PGR: variants seen among roughly 807,000 people sequenced by gnomAD.
PGR encodes progesterone receptor, also known as nuclear receptor subfamily 3 group C member 3.
A neutral mutation model predicts 76.1 loss-of-function variants in PGR; 25 were observed. The ratio of observed to expected loss-of-function variants is 0.33; its 90% confidence interval spans 0.24 to 0.46. The LOEUF (loss-of-function observed/expected upper bound fraction) is 0.46. Ranked by LOEUF, PGR falls within the 20% of genes least tolerant of loss-of-function variation. The pLI is 1.00. For synonymous variants in PGR, 579 were observed against 535.0 expected, an observed-to-expected ratio of 1.08 and a Z score of -1.14; for missense variants, 1,172 against 1,225.3, an observed-to-expected ratio of 0.96 and a Z score of 0.65.
chr11:101,055,445 G>T (rs1814190519), intron 4 of PGR, among the ~76,000 whole-genome samples: 1 of 129,858 alleles, frequency 7.7e-6, no homozygotes, highest in South Asian at 2.6e-4. Context: ...AAAAAAAAAG[G>T]CTCATAGAAA....
intron 2 of PGR, among the ~76,000 whole-genome samples, chr11:101,125,646 T>G (rs1345500028): frequency 2.0e-5 from 3 of 152,180 alleles, no homozygotes; most frequent in East Asian, 1.9e-4. Context: ...AATCAAAATT[T>G]TAAAGTACTG....
intron 3 of PGR, among the ~76,000 whole-genome samples, chr11:101,071,977 A>G (rs1424698055): frequency 1.3e-5 from 2 of 152,164 alleles, no homozygotes; most frequent in Middle Eastern, 3.2e-3. Context: ...AATACAGAGA[A>G]CACCACAAAG....
chr11:101,075,982 G>T (rs1435331499), intron 3 of PGR, among the ~76,000 whole-genome samples: 3 of 152,098 alleles, frequency 2.0e-5, no homozygotes, highest in South Asian at 2.1e-4. Flanking sequence ...GTACCCAAAG[G>T]ATTATAAATC....
At chr11:101,117,806 C>T (rs1414941202) in intron 2 of PGR, among the ~76,000 whole-genome samples, 1 of 152,164 alleles carries the variant, frequency 6.6e-6, no homozygotes, top group Non-Finnish European at 1.5e-5. Flanking sequence ...AGACACATCT[C>T]TGCCAGTACT....
chr11:101,053,912 A>G (rs1442470853), intron 4 of PGR, among the ~76,000 whole-genome samples: 3 of 152,116 alleles, frequency 2.0e-5, no homozygotes, highest in Non-Finnish European at 2.9e-5. Flanking sequence ...CCCACGGAGA[A>G]AGCTGGGTAA....
chr11:101,115,051 G>T (rs192246853), intron 2 of PGR, among the ~76,000 whole-genome samples: 24 of 152,128 alleles, frequency 1.6e-4, no homozygotes, highest in African/African-American at 5.8e-4. Context: ...GTGGGAATAA[G>T]GGGTCACTGA....
intron 3 of PGR, among the ~76,000 whole-genome samples, chr11:101,081,278 A>G (rs1861297619): frequency 6.6e-6 from 1 of 151,964 alleles, no homozygotes; most frequent in African/African-American, 2.4e-5. Flanking sequence ...AAATACAAAA[A>G]ATTAGCCAGA....
At chr11:101,065,966 C>A (rs1173450967) in intron 3 of PGR, among the ~76,000 whole-genome samples, 1 of 152,136 alleles carries the variant, frequency 6.6e-6, no homozygotes, top group Non-Finnish European at 1.5e-5. Flanking sequence ...AGTATGGCTA[C>A]CCCTGTACTC....
rs1197426679 is a variant in PGR, at chr11:101,091,780, T to C, written c.1886A>G (p.Gln629Arg). ...ATTACCTCCAAGGACCATGCCAGCC[T>C]GACAGCACTTTCTAAGGCGACATGC... ...CPACRLRKCC[Q>R]AGMVLGGRKF... Residue 629 changes from glutamine to arginine, a missense_variant, in exon 3 of 8, where the codon CAG (glutamine) becomes CGG (arginine). By Grantham distance (43) the Gln-to-Arg change is conservative (BLOSUM62 1). Around this residue, in one of 4 missense-constraint regions of PGR, gnomAD observed 73 missense variants for 60.7 expected, o/e 1.20. Coordinates refer to ENST00000325455, the MANE Select transcript of PGR (RefSeq NM_000926.4). 6.3e-7 allele frequency: 1 copy of C among 1,581,946 alleles called. No homozygotes were observed. The highest frequency in any genetic ancestry group is 1.7e-5 in the Admixed American group (1 of 59,974).
At position 101,045,031 on chromosome 11, in the gene PGR, ATC is replaced by A. The variant is rs150451759; in HGVS notation, c.2489-2931_2489-2930del. Among the ~76,000 whole-genome samples, 518 of 152,114 alleles carry A rather than the reference ATC, an allele frequency of 3.4e-3. 5 individuals are homozygous for A. The highest frequency in any genetic ancestry group is 0.012 in the African/African-American group (494 of 41,508). ...CTTGGCCTAATTCCAATATTGTTGT[ATC>A]TCAGGGAACAGGGAGGAAAATTACT... On this transcript the variant is annotated intron_variant, in intron 6 of 7. Coordinates refer to ENST00000325455, the MANE Select transcript of PGR (RefSeq NM_000926.4).
At chr11:101,097,842 T>C (rs1412294415) in intron 2 of PGR, among the ~76,000 whole-genome samples, 1 of 150,466 alleles carries the variant, frequency 6.6e-6, no homozygotes, top group African/African-American at 2.4e-5. Context: ...GGTGGAGCCA[T>C]CTCAGCTCAC....
chr11:101,059,219 A>G (rs1331813888), intron 4 of PGR, among the ~76,000 whole-genome samples: 1 of 151,912 alleles, frequency 6.6e-6, no homozygotes, highest in Non-Finnish European at 1.5e-5. Flanking sequence ...TTGTCTCTGA[A>G]GGCTTCTTTA....
At chr11:101,059,853 AAAAAAAAAG>A (rs1271207754) in intron 4 of PGR, among the ~76,000 whole-genome samples, 2 of 136,724 alleles carry the variant, frequency 1.5e-5, no homozygotes, top group African/African-American at 4.9e-5. Flanking sequence ...AAAAAAAAAA[AAAAAAAAAG>A]AAAAAAAAGA....
Position 101,038,378 on chromosome 11 carries a change from G to A in PGR, c.*738C>T, listed in dbSNP as rs914402164. Reference sequence around the variant, plus strand: ...ATCTTCTGATTTCTTATGTCCACTCGCAATACCTCATTAGAGGACAATTCT... The same window carrying A: ...ATCTTCTGATTTCTTATGTCCACTCACAATACCTCATTAGAGGACAATTCT... On this transcript the variant is annotated 3_prime_UTR_variant, in exon 8 of 8. Transcript: ENST00000325455. 1.1e-4 allele frequency: 24 copies of A among 211,480 alleles called. No individual in the cohort carries two copies. Among genetic ancestry groups the A allele is most frequent in the Middle Eastern group, 1.6e-3 (1 of 644 alleles). The allele number at this position is 211,480 out of a possible 1,614,324, so 13.1% of individuals were successfully genotyped here. A position where few individuals can be genotyped will look rare whatever the true frequency, so the allele number is the denominator to read the frequency against.
At chr11:101,041,890 G>A (rs1484310797) in intron 7 of PGR, 55 bp downstream of exon 7, 3 of 1,475,368 alleles carry the variant, frequency 2.0e-6, no homozygotes, top group Admixed American at 3.4e-5. Context: ...CATTTAAAAA[G>A]TTATAGAAAT....
intron 4 of PGR, among the ~76,000 whole-genome samples, chr11:101,054,040 T>C (rs566501534): frequency 7.9e-5 from 12 of 152,334 alleles, no homozygotes; most frequent in African/African-American, 2.6e-4. Context: ...TTCTTGATGT[T>C]GGTGGTGTCC....
chr11:101,114,568 G>A (rs1862442533), intron 2 of PGR, among the ~76,000 whole-genome samples: 1 of 152,132 alleles, frequency 6.6e-6, no homozygotes, highest in Non-Finnish European at 1.5e-5. Context: ...TCTAATCTCT[G>A]TACAAATATA....
Position 101,038,763 on chromosome 11 carries a change from T to C in PGR, c.*353A>G, listed in dbSNP as rs1859595291. 1 of 255,138 alleles carries C rather than the reference T, an allele frequency of 3.9e-6. No homozygotes were observed. Among genetic ancestry groups the C allele is most frequent in the South Asian group, 1.1e-4 (1 of 8,710 alleles). The allele number at this position is 255,138 out of a possible 1,614,324, so 15.8% of individuals were successfully genotyped here. A position where few individuals can be genotyped will look rare whatever the true frequency, so the allele number is the denominator to read the frequency against. The stretch of plus-strand genomic sequence containing the variant: ...CATATAATAGCTTTGTGTTATTACA[T>C]GTAAGATTTTTTCTCTTAAGTCGAT... On this transcript the variant is annotated 3_prime_UTR_variant, in exon 8 of 8. Transcript: ENST00000325455.
In PGR at chr11:101,039,251, C is replaced by A. The variant is rs758808266; in HGVS notation, c.2667G>T (p.Leu889=). 5.6e-6 allele frequency: 9 copies of A among 1,610,836 alleles called. No homozygotes were observed. Among genetic ancestry groups the A allele is most frequent in the South Asian group, 4.4e-5 (4 of 90,976 alleles). ...ACTGGATAAATGTATTCAAGCAGTA[C>A]AGATGAAGTTGTTTGACAAGCTGTT... ...NLHDLVKQLH[L]YCLNTFIQSR... The change falls in exon 8 of 8, where the codon CTG becomes CTT. Residue 889 remains leucine, a synonymous_variant. Transcript: ENST00000325455.
Sources: allele counts gnomAD v4.1 joint callset (sites outside exome capture counted in the v4.1 genomes callset), GRCh38; gene constraint gnomAD v4.1.1; regional missense constraint gnomAD v4.1.1; transcripts MANE v1.5; gene names NCBI Gene and HGNC (gene_info 2026-07-23, HGNC 2026-07-21).